Variants in PCDHGA4 observed in about 807,000 individuals in gnomAD.
PCDHGA4 encodes protocadherin gamma subfamily A, 4.
In PCDHGA4, 38 loss-of-function variants were observed where a neutral mutation model predicts 54.6. The ratio of observed to expected loss-of-function variants is 0.70; its 90% CI spans 0.54 to 0.91. The LOEUF (loss-of-function observed/expected upper bound fraction) is 0.91, where lower values mean the gene tolerates loss of function less well. Among genes scored for constraint, PCDHGA4 ranks in the 40% least tolerant of loss-of-function variants. The pLI, the probability that PCDHGA4 is intolerant of heterozygous loss-of-function variation, is 0.00. For synonymous variants in PCDHGA4, 511 were observed against 512.9 expected (o/e 1.00, Z 0.05); for missense variants, 1,298 against 1,220.9 (o/e 1.06, Z -0.94).
At chr5:141,400,684 G>GT (rs1422516327) in intron 1 of PCDHGA4, 1 of 834,872 alleles carries the variant, frequency 1.2e-6, no homozygotes, top group African/African-American at 1.7e-5. Flanking sequence ...TAAATTGTGA[G>GT]TTTTTATGTC....
chr5:141,391,186 A>G (rs772016494), intron 1 of PCDHGA4: 1 of 152,220 alleles, frequency 6.6e-6, no homozygotes, highest in Non-Finnish European at 1.5e-5. Flanking sequence ...TGGTGTGCAT[A>G]CAAAATATAT....
At chr5:141,385,430 A>G (rs1781192913) in intron 1 of PCDHGA4, 1 of 1,458,668 alleles carries the variant, frequency 6.9e-7, no homozygotes. Context: ...AAAACTTTAT[A>G]GAGGTAAAAA....
rs60063068 is a variant in PCDHGA4, at chr5:141,477,262, C to T, written c.2515-17545C>T. The T allele has an allele frequency of 1.9e-4, 313 of 1,614,138 alleles. No individual in the cohort carries two copies. In the African/African-American group the frequency reaches 3.7e-3, roughly 19 times the overall value. On this transcript the variant is annotated intron_variant, in intron 1 of 3. Coordinates refer to ENST00000571252, the MANE Select transcript of PCDHGA4 (RefSeq NM_018917.4). This position sits in a 1 kb window ranked among gnomAD's most constrained non-coding sequence, Gnocchi z 4.9. ...TCAGTGTGACTGACCTGGATGCTGG[C>T]GAGAACGGGCTGGTGACCTGCGAAG...
intron 1 of PCDHGA4, among the ~76,000 whole-genome samples, chr5:141,482,884 C>A (rs2099574053): frequency 6.6e-6 from 1 of 152,116 alleles, no homozygotes; most frequent in Non-Finnish European, 1.5e-5. Flanking sequence ...CCAGCCTGGC[C>A]AACATGGTGA....
chr5:141,374,061 G>T, intron 1 of PCDHGA4: 1 of 1,493,670 alleles, frequency 6.7e-7, no homozygotes, highest in Non-Finnish European at 8.9e-7. Flanking sequence ...CTTAATCCCA[G>T]AGAAGTTCCT....
chr5:141,417,861 T>A, intron 1 of PCDHGA4: 3 of 1,549,554 alleles, frequency 1.9e-6, no homozygotes, highest in Non-Finnish European at 2.6e-6. Context: ...GAGCGAACGA[T>A]GGGAGGGAGC....
intron 1 of PCDHGA4, chr5:141,366,385 G>A: frequency 3.1e-6 from 5 of 1,614,150 alleles, no homozygotes; most frequent in Non-Finnish European, 4.2e-6. Flanking sequence ...TTGACCCTGA[G>A]GATCTGGACC....
chr5:141,433,352 T>C (rs976015031), intron 1 of PCDHGA4: 16 of 614,162 alleles, frequency 2.6e-5, no homozygotes, highest in Non-Finnish European at 3.7e-5. Flanking sequence ...AGCCACCTAC[T>C]GTCTGCCTAT....
chr5:141,492,553 G>C (rs1184580300), intron 1 of PCDHGA4, among the ~76,000 whole-genome samples: 1 of 152,148 alleles, frequency 6.6e-6, no homozygotes, highest in Non-Finnish European at 1.5e-5. Flanking sequence ...CGGGTCGCCT[G>C]GGGGGCGGCC....
intron 2 of PCDHGA4, among the ~76,000 whole-genome samples, chr5:141,503,295 T>C (rs567706089): frequency 6.6e-6 from 1 of 152,070 alleles, no homozygotes; most frequent in Non-Finnish European, 1.5e-5. Context: ...TACATAGAAA[T>C]TGCTCAAGAA....
At chr5:141,427,650 G>C (rs1352503291) in intron 1 of PCDHGA4, 1 of 718,312 alleles carries the variant, frequency 1.4e-6, no homozygotes. Flanking sequence ...AGTCTCCTAC[G>C]TGGTCCACGT....
Position 141,487,315 on chromosome 5 carries a change from G to T in PCDHGA4, c.2515-7492G>T, listed in dbSNP as rs568326280. 11 of 1,614,166 alleles carry T rather than the reference G, an allele frequency of 6.8e-6. No individual in the cohort carries two copies. In the South Asian group the frequency reaches 1.2e-4, roughly 18 times the overall value. ...GCTCATTCGTGGCACTACTCTCTAA[G>T]TGTCTTCGTGGGGCAGCCTGTGGAG... On this transcript the variant is annotated intron_variant, in intron 1 of 3. Transcript: ENST00000571252. The surrounding 1 kb of genome is among the most constrained non-coding windows in gnomAD (Gnocchi z 5.0).
intron 1 of PCDHGA4, chr5:141,418,389 AT>A (rs1429903562): frequency 5.6e-6 from 9 of 1,613,878 alleles, no homozygotes; most frequent in Non-Finnish European, 6.8e-6. Flanking sequence ...CCTAACGAGT[AT>A]TTCTCATTGG....
intron 1 of PCDHGA4, chr5:141,362,530 C>G (rs769795967): frequency 6.2e-7 from 1 of 1,613,818 alleles, no homozygotes; most frequent in Non-Finnish European, 8.5e-7. Context: ...CGCTGGGGTC[C>G]CTTTTGCCTC....
intron 1 of PCDHGA4, among the ~76,000 whole-genome samples, chr5:141,437,976 T>G (rs1182220385): frequency 1.3e-5 from 2 of 152,096 alleles, no homozygotes; most frequent in Non-Finnish European, 2.9e-5. Flanking sequence ...GATCTTGGGA[T>G]GCACCCACCC....
At position 141,430,677 on chromosome 5, in the gene PCDHGA4, T is replaced by C. The variant is rs888907330; in HGVS notation, c.2515-64130T>C. On this transcript the variant is annotated intron_variant, in intron 1 of 3. Coordinates refer to ENST00000571252, the MANE Select transcript of PCDHGA4 (RefSeq NM_018917.4). ...AACGGAGGAGCTCTGACTTCCCAAC[T>C]GTCCCATTCTATGGGCGAAGGAACT... 1.2e-5 allele frequency: 15 copies of C among 1,303,020 alleles called. No individual in the cohort carries two copies. In the African/African-American group the frequency reaches 2.1e-4, roughly 18 times the overall value. The allele number at this position is 1,303,020 out of a possible 1,614,324, so 80.7% of individuals were successfully genotyped here. A position where few individuals can be genotyped will look rare whatever the true frequency, so the allele number is the denominator to read the frequency against.
At chr5:141,374,884 C>A in intron 1 of PCDHGA4, 3 of 1,613,714 alleles carry the variant, frequency 1.9e-6, no homozygotes, top group Non-Finnish European at 1.7e-6. Context: ...TGACTGCCAC[C>A]GACCAGGATG....
intron 1 of PCDHGA4, among the ~76,000 whole-genome samples, chr5:141,460,640 TGTTTACACATA>T (rs2098994223): frequency 6.6e-6 from 1 of 152,096 alleles, no homozygotes; most frequent in Admixed American, 6.6e-5. Flanking sequence ...TATATAACTG[TGTTTACACATA>T]TGTAACTGTA....
At chr5:141,376,831 C>A in intron 1 of PCDHGA4, 1 of 256,752 alleles carries the variant, frequency 3.9e-6, no homozygotes, top group Non-Finnish European at 7.4e-6. Context: ...GGACTACAGG[C>A]GCCCGCCACC....
Sources: allele counts gnomAD v4.1 joint callset (sites outside exome capture counted in the v4.1 genomes callset), GRCh38; gene constraint gnomAD v4.1.1; non-coding constraint Gnocchi (gnomAD v3.1); transcripts MANE v1.5; gene names NCBI Gene and HGNC (gene_info 2026-07-23, HGNC 2026-07-21).